LRRC4C: variants seen among roughly 807,000 people sequenced by gnomAD.
LRRC4C encodes the protein leucine-rich repeat-containing protein 4C.
A neutral mutation model predicts 33.6 loss-of-function variants in LRRC4C; 5 were observed. The ratio of observed to expected loss-of-function variants is 0.15; its 90% confidence interval spans 0.08 to 0.31. The LOEUF (loss-of-function observed/expected upper bound fraction) is 0.31, where lower values mean the gene tolerates loss of function less well. Among genes scored for constraint, LRRC4C ranks in the 10% least tolerant of loss-of-function variants. LRRC4C has a pLI of 1.00. For missense variants in LRRC4C, 560 were observed against 796.7 expected (o/e 0.70, Z 3.58); for synonymous variants, 329 against 302.0 (o/e 1.09, Z -0.93).
intron 3 of LRRC4C, among the ~76,000 whole-genome samples, chr11:40,471,837 C>G (rs1181454025): frequency 6.6e-6 from 1 of 152,156 alleles, no homozygotes; most frequent in Non-Finnish European, 1.5e-5. Flanking sequence ...ACAGAACTCT[C>G]CACCACAAAT....
In LRRC4C at chr11:41,388,812, C is replaced by T. The variant is rs1462636158; in HGVS notation, c.-496+70619G>A. 3.9e-5 allele frequency among the ~76,000 whole-genome samples: 6 copies of T among 151,930 alleles called. No homozygotes were observed. In the South Asian group the frequency reaches 6.2e-4, roughly 16 times the overall value. On this transcript the variant is annotated intron_variant, in intron 1 of 6. Coordinates refer to ENST00000528697, the MANE Select transcript of LRRC4C (RefSeq NM_001258419.2). ...AGTTAGTGCCTTGATGAAAGTGGCC[C>T]TTAGTAGTTCCTTAAATACCAATAG... is the stretch of plus-strand genomic sequence containing the variant.
At chr11:40,124,681 G>A (rs1333344524) in intron 6 of LRRC4C, among the ~76,000 whole-genome samples, 1 of 152,086 alleles carries the variant, frequency 6.6e-6, no homozygotes, top group Non-Finnish European at 1.5e-5. Flanking sequence ...ATGTGGGGAG[G>A]CAAAGGAGGG....
chr11:41,431,271 T>C (rs886636346), intron 1 of LRRC4C, among the ~76,000 whole-genome samples: 7 of 151,946 alleles, frequency 4.6e-5, no homozygotes, highest in African/African-American at 1.7e-4. Flanking sequence ...AATAAAATCT[T>C]GCAGTCACAA....
At chr11:41,277,794 G>T (rs529755180) in intron 1 of LRRC4C, among the ~76,000 whole-genome samples, 1 of 151,824 alleles carries the variant, frequency 6.6e-6, no homozygotes, top group Non-Finnish European at 1.5e-5. Context: ...TTCAAGTTCC[G>T]TGAGTAACTT....
At chr11:41,413,422 A>AT (rs1211119273) in intron 1 of LRRC4C, among the ~76,000 whole-genome samples, 1 of 152,220 alleles carries the variant, frequency 6.6e-6, no homozygotes, top group East Asian at 1.9e-4. Flanking sequence ...ATGACACATG[A>AT]TAAACACTTG....
At chr11:40,792,815 G>A (rs1451073534) in intron 2 of LRRC4C, among the ~76,000 whole-genome samples, 1 of 151,994 alleles carries the variant, frequency 6.6e-6, no homozygotes, top group Non-Finnish European at 1.5e-5. Context: ...CCATAAAAAA[G>A]GATGAGTTCA....
intron 1 of LRRC4C, among the ~76,000 whole-genome samples, chr11:41,006,860 A>T (rs912758970): frequency 6.6e-6 from 1 of 152,166 alleles, no homozygotes; most frequent in Admixed American, 6.5e-5. Flanking sequence ...AACATCCAGA[A>T]TAGTGTTTTT....
chr11:40,283,246 T>C (rs569405066), intron 4 of LRRC4C, among the ~76,000 whole-genome samples: 1 of 152,306 alleles, frequency 6.6e-6, no homozygotes, highest in East Asian at 1.9e-4. Flanking sequence ...CAAGAACAGC[T>C]ATTATCAATA....
chr11:40,976,756 G>A (rs568021591), intron 1 of LRRC4C, among the ~76,000 whole-genome samples: 1 of 152,046 alleles, frequency 6.6e-6, no homozygotes, highest in Non-Finnish European at 1.5e-5. Flanking sequence ...TTGAATGACT[G>A]TAAGAGAAGT....
intron 6 of LRRC4C, among the ~76,000 whole-genome samples, chr11:40,122,557 C>G (rs1194323415): frequency 2.0e-5 from 3 of 152,082 alleles, no homozygotes; most frequent in Non-Finnish European, 4.4e-5. Context: ...TTAATAAATT[C>G]TGACCTAATC....
At chr11:40,371,367 T>C (rs1948441304) in intron 3 of LRRC4C, among the ~76,000 whole-genome samples, 1 of 152,186 alleles carries the variant, frequency 6.6e-6, no homozygotes, top group South Asian at 2.1e-4. Context: ...ATTTGTACAT[T>C]TTTGACAAGT....
At chr11:40,550,787 G>A (rs948699544) in intron 3 of LRRC4C, among the ~76,000 whole-genome samples, 2 of 145,492 alleles carry the variant, frequency 1.4e-5, no homozygotes, top group Admixed American at 6.8e-5. Flanking sequence ...CATAGCTGAG[G>A]GAACCTCTAA....
intron 1 of LRRC4C, among the ~76,000 whole-genome samples, chr11:41,188,903 C>A (rs1468322357): frequency 7.4e-5 from 5 of 67,612 alleles, no homozygotes; most frequent in Non-Finnish European, 1.6e-4. Flanking sequence ...CAGGACCTGC[C>A]CCCCCCCCCA....
chr11:41,302,584 TAAAG>T (rs1387726572), intron 1 of LRRC4C, among the ~76,000 whole-genome samples: 6 of 151,748 alleles, frequency 4.0e-5, no homozygotes, highest in Non-Finnish European at 2.9e-5. Context: ...AATTGCCTAT[TAAAG>T]AAAGAAACAA....
chr11:41,148,654 C>T (rs1565427139), intron 1 of LRRC4C, among the ~76,000 whole-genome samples: 2 of 151,954 alleles, frequency 1.3e-5, no homozygotes. Flanking sequence ...GGGACTCAGT[C>T]CCAGACTAGC....
At chr11:41,220,032 A>G (rs564853366) in intron 1 of LRRC4C, among the ~76,000 whole-genome samples, 1 of 152,272 alleles carries the variant, frequency 6.6e-6, no homozygotes, top group East Asian at 1.9e-4. Flanking sequence ...GCTAGTAGGG[A>G]GCCCCTTGAA....
intron 1 of LRRC4C, among the ~76,000 whole-genome samples, chr11:41,233,362 A>G (rs1166540975): frequency 6.6e-6 from 1 of 152,038 alleles, no homozygotes; most frequent in Non-Finnish European, 1.5e-5. Flanking sequence ...ATATTACAAA[A>G]AACCTGAGAA....
chr11:41,252,484 A>G (rs1948671822), intron 1 of LRRC4C, among the ~76,000 whole-genome samples: 2 of 152,194 alleles, frequency 1.3e-5, no homozygotes, highest in Admixed American at 1.3e-4. Flanking sequence ...TCCGGACCCA[A>G]TAGTCAGGAG....
At chr11:41,392,481 G>A (rs1953638580) in intron 1 of LRRC4C, among the ~76,000 whole-genome samples, 1 of 151,302 alleles carries the variant, frequency 6.6e-6, no homozygotes, top group Admixed American at 6.6e-5. Context: ...AGCCTTCTTT[G>A]GTACTTACCG....
Sources: gnomAD v4.1 joint callset for allele counts (sites outside exome capture counted in the v4.1 genomes callset) on GRCh38, gnomAD v4.1.1 for gene constraint, MANE v1.5 for transcripts, NCBI Gene and HGNC (gene_info 2026-07-23, HGNC 2026-07-21) for gene names.